TRIOBP: variants seen among roughly 807,000 people sequenced by gnomAD.
TRIOBP encodes the protein TRIO and F-actin binding protein.
TRIOBP carries 169 observed loss-of-function variants against 238.8 expected under a neutral mutation model. The ratio of observed to expected loss-of-function variants is 0.71; its 90% confidence interval spans 0.62 to 0.80. The LOEUF is 0.80. TRIOBP is among the 30% of genes least tolerant of loss of function. The pLI is 0.00. For synonymous variants in TRIOBP, 1,150 were observed against 1,274.4 expected, an observed-to-expected ratio of 0.90 and a Z score of 2.08; for missense variants, 2,838 against 3,122.6, an observed-to-expected ratio of 0.91 and a Z score of 2.17.
At chr22:37,698,680 GA>G (rs1372017811) in intron 2 of TRIOBP, among the ~76,000 whole-genome samples, 1 of 151,952 alleles carries the variant, frequency 6.6e-6, no homozygotes, top group African/African-American at 2.4e-5. Flanking sequence ...AAATAAAAAA[GA>G]AAAAAATTAG....
At chr22:37,755,735 C>A in intron 15 of TRIOBP, 76 bp downstream of exon 15, 1 of 1,274,158 alleles carries the variant, frequency 7.8e-7, no homozygotes, top group Non-Finnish European at 1.1e-6. Flanking sequence ...TAGGTACTCA[C>A]CTGAGGGCTG....
chr22:37,727,252 G>GT (rs544456439), intron 7 of TRIOBP, among the ~76,000 whole-genome samples: 51,304 of 144,428 alleles, frequency 0.36, 10,065 homozygotes, highest in East Asian at 0.6. Context: ...AGACTCATGG[G>GT]TTTTTTTTTT....
chr22:37,710,461 A>G lies in TRIOBP; in HGVS notation c.149A>G (p.Tyr50Cys). Residue 50 changes from tyrosine (Y) to cysteine (C), a missense_variant, in exon 4 of 24, where the codon TAC becomes TGC. By Grantham distance (194) the Tyr-to-Cys change is radical. Around this residue, in one of 5 missense-constraint regions of TRIOBP, gnomAD observed 535 missense variants for 537.3 expected, o/e 1.00. Coordinates refer to ENST00000644935, the MANE Select transcript of TRIOBP (RefSeq NM_001039141.3). ...LRSPSGAEVP[Y>C]CDLPRCPPAP... ...AGCCCTTCAGGTGCTGAGGTGCCCT[A>G]CTGCGACCTGCCTCGATGTCCACCT... The G allele has an allele frequency of 1.2e-6, 2 of 1,613,450 alleles. No homozygotes were observed. Among genetic ancestry groups the G allele is most frequent in the Non-Finnish European group, 1.7e-6 (2 of 1,180,004 alleles).
At chr22:37,721,164 C>T (rs548791700) in intron 6 of TRIOBP, among the ~76,000 whole-genome samples, 128 of 152,078 alleles carry the variant, frequency 8.4e-4, no homozygotes, top group African/African-American at 2.9e-3. Context: ...CCACTGCTCC[C>T]GGCTGCATCC....
chr22:37,751,673 A>G, intron 11 of TRIOBP, 99 bp from the exon 12 acceptor site: 5 of 1,414,206 alleles, frequency 3.5e-6, no homozygotes, highest in Non-Finnish European at 5.0e-6. Context: ...GCTCGGTCCC[A>G]CAGGACTTGG....
chr22:37,703,887 C>T (rs1922791118), intron 3 of TRIOBP, among the ~76,000 whole-genome samples: 1 of 152,062 alleles, frequency 6.6e-6, no homozygotes, highest in Non-Finnish European at 1.5e-5. Flanking sequence ...CCTGGGAGTC[C>T]ATCTTTCATG....
Position 37,726,337 on chromosome 22 carries a change from A to G in TRIOBP, c.3781A>G (p.Thr1261Ala), listed in dbSNP as rs1924158757. The change falls in exon 7 of 24, where the codon ACC becomes GCC. Residue 1261 changes from threonine to alanine, a missense_variant. Thr to Ala is a moderately conservative substitution (Grantham distance 58). Transcript: ENST00000644935. ...GSRGSAPPGE[T>A]RHNLEREEYT... is the part of the protein sequence containing the mutation. ...CCGGGGCTCAGCGCCTCCCGGGGAG[A>G]CCAGGCACAACTTGGAGCGGGAGGA... The G allele has an allele frequency of 2.5e-6, 4 of 1,611,192 alleles. No homozygotes were observed. The East Asian group carries it at 8.9e-5, about 36-fold the overall frequency.
At chr22:37,712,540 G>A (rs1047950955) in intron 4 of TRIOBP, among the ~76,000 whole-genome samples, 1 of 151,830 alleles carries the variant, frequency 6.6e-6, no homozygotes, top group African/African-American at 2.4e-5. Context: ...TCACCATGTT[G>A]GACAGGCTAG....
At position 37,734,620 on chromosome 22, in the gene TRIOBP, GAGT is replaced by G. The variant is rs1924573429; in HGVS notation, c.4285_4287del (p.Ser1429del). On this transcript the variant is annotated inframe_deletion, in exon 9 of 24. Coordinates refer to ENST00000644935, the MANE Select transcript of TRIOBP (RefSeq NM_001039141.3). ...CAAGACAGCCTCTGGGGGTGTGGCA[GAGT>G]CAGGAGGAACCGCCAGGGTCCCAGG... is the stretch of plus-strand genomic sequence containing the variant. The G allele has an allele frequency of 6.3e-7, 1 of 1,584,948 alleles. No homozygotes were observed. Among genetic ancestry groups the G allele is most frequent in the African/African-American group, 1.3e-5 (1 of 74,388 alleles).
intron 6 of TRIOBP, 74 bp downstream of exon 6, chr22:37,716,008 T>A: frequency 6.5e-7 from 1 of 1,549,374 alleles, no homozygotes; most frequent in African/African-American, 1.4e-5. Context: ...ACTGGCCATT[T>A]GGGACTCTGG....
At chr22:37,753,689 C>T (rs545254129) in intron 12 of TRIOBP, among the ~76,000 whole-genome samples, 30 of 152,232 alleles carry the variant, frequency 2.0e-4, no homozygotes, top group South Asian at 8.3e-4. Flanking sequence ...GGATACAAAA[C>T]TCCTTTTCTC....
At chr22:37,723,039 GGA>G in intron 6 of TRIOBP, 144 bp from the exon 7 acceptor site, 1 of 749,810 alleles carries the variant, frequency 1.3e-6, no homozygotes, top group Non-Finnish European at 2.2e-6. Flanking sequence ...TCAGAGAGGT[GGA>G]GTCACTTGGT....
chr22:37,769,033 A>T lies in TRIOBP; in HGVS notation c.6581A>T (p.Asp2194Val). The change falls in exon 20 of 24, where the codon GAT (aspartate) becomes GTT (valine). Residue 2194 changes from aspartate to valine, a missense_variant. Coordinates refer to ENST00000644935, the MANE Select transcript of TRIOBP (RefSeq NM_001039141.3). The stretch of plus-strand genomic sequence containing the variant: ...CTGCTCCTCCTCTGGGGCAGGTCAG[A>T]TGTGGAGGCACTGAAGCGAGAGCTG... Reference protein sequence around the residue: ...PDGLRKQHQSDVEALKRELQV... With the variant: ...PDGLRKQHQSVVEALKRELQV... 2 of 1,613,380 alleles carry T rather than the reference A, an allele frequency of 1.2e-6. No individual in the cohort carries two copies. The highest frequency in any genetic ancestry group is 1.7e-6 in the Non-Finnish European group (2 of 1,180,018).
chr22:37,751,458 C>A (rs1042795220), intron 11 of TRIOBP: 4 of 451,026 alleles, frequency 8.9e-6, no homozygotes, highest in Non-Finnish European at 1.7e-5. Context: ...GTCCTCCCAG[C>A]CCCTCTCTCC....
At chr22:37,771,612 C>A in intron 21 of TRIOBP, 38 bp from the exon 22 acceptor site, 1 of 1,590,246 alleles carries the variant, frequency 6.3e-7, no homozygotes, top group Non-Finnish European at 8.6e-7. Context: ...GTAGCTCTGG[C>A]TTCTGGCCCT....
At chr22:37,739,635 C>T (rs756895789) in intron 10 of TRIOBP, among the ~76,000 whole-genome samples, 4 of 152,344 alleles carry the variant, frequency 2.6e-5, no homozygotes, top group African/African-American at 4.8e-5. Context: ...ATGCTGCCCC[C>T]GTCCCTGCCC....
intron 11 of TRIOBP, chr22:37,746,085 G>T (rs935399792): frequency 6.2e-6 from 2 of 323,856 alleles, no homozygotes; most frequent in Non-Finnish European, 8.0e-6. Context: ...GCCCTAGCGC[G>T]CCCGTCCCGT....
At chr22:37,771,581 T>G in intron 21 of TRIOBP, 69 bp from the exon 22 acceptor site, 1 of 1,415,856 alleles carries the variant, frequency 7.1e-7, no homozygotes. Flanking sequence ...GAACCCGGGC[T>G]GCAGGGCACT....
chr22:37,772,713 T>C lies in TRIOBP; in HGVS notation c.7049T>C (p.Met2350Thr). The change falls in exon 23 of 24, where the codon ATG becomes ACG. Residue 2350 changes from methionine to threonine, a missense_variant. This residue lies in a region of TRIOBP where 2,096 missense variants were observed against 2,137.4 expected (regional missense o/e 0.98). Transcript: ENST00000644935. ...EQLKEHLRLA[M>T]AALQEKESMR... ...CTGAAGGAGCACCTGCGTCTTGCCA[T>C]GGCCGCCCTCCAGGAGAAGGAGTCG... The C allele has an allele frequency of 1.2e-6, 2 of 1,614,032 alleles. No homozygotes were observed. The highest frequency in any genetic ancestry group is 1.7e-6 in the Non-Finnish European group (2 of 1,180,016).
Sources: gnomAD v4.1 joint callset for allele counts (sites outside exome capture counted in the v4.1 genomes callset) on GRCh38, gnomAD v4.1.1 for gene constraint, gnomAD v4.1.1 regional missense constraint, MANE v1.5 for transcripts, NCBI Gene and HGNC (gene_info 2026-07-23, HGNC 2026-07-21) for gene names.